Variants in FBXO34 observed in about 807,000 individuals in gnomAD.
FBXO34 encodes the protein F-box only protein 34.
In FBXO34, 12 loss-of-function variants were observed where a neutral mutation model predicts 24.5. That is an observed-to-expected ratio of 0.49 (90% CI 0.31 to 0.79). The LOEUF (loss-of-function observed/expected upper bound fraction) is 0.79, where lower values mean the gene tolerates loss of function less well. FBXO34 is among the 30% of genes least tolerant of loss of function. FBXO34 has a pLI of 0.04. For synonymous variants in FBXO34, 320 were observed against 311.9 expected (o/e 1.03, Z -0.27); for missense variants, 823 against 857.7 (o/e 0.96, Z 0.51).
chr14:55,296,869 C>G (rs987716306), intron 1 of FBXO34, among the ~76,000 whole-genome samples: 2 of 151,356 alleles, frequency 1.3e-5, no homozygotes, highest in Non-Finnish European at 2.9e-5. Context: ...CATTTGTCTT[C>G]TAAAAAAATA....
chr14:55,279,725 G>A (rs1020538271), intron 1 of FBXO34, among the ~76,000 whole-genome samples: 3 of 152,130 alleles, frequency 2.0e-5, no homozygotes, highest in Non-Finnish European at 2.9e-5. Flanking sequence ...AATAGGATTT[G>A]CTAATTAGTT....
chr14:55,298,606 C>T, intron 1 of FBXO34: 1 of 1,099,436 alleles, frequency 9.1e-7, no homozygotes, highest in Non-Finnish European at 1.3e-6. Context: ...GCGCCGGAGC[C>T]CAGCCGGAGC....
At chr14:55,326,153 G>T (rs904285234) in intron 1 of FBXO34, 1 of 152,170 alleles carries the variant, frequency 6.6e-6, no homozygotes, top group Non-Finnish European at 1.5e-5. Context: ...AAAATCCCCC[G>T]AGTTGAGGTT....
chr14:55,351,098 G>C lies in FBXO34; in HGVS notation c.708G>C (p.Val236=). The C allele has an allele frequency of 6.2e-7, 1 of 1,614,202 alleles. No homozygotes were observed. The highest frequency in any genetic ancestry group is 8.5e-7 in the Non-Finnish European group (1 of 1,180,038). Residue 236 remains valine, a synonymous_variant, in exon 2 of 2, where the codon GTG becomes GTC. Transcript: ENST00000313833. Reference sequence around the variant, plus strand: ...ACTGCACAAACTCACCTGCAATTGTGAGGTTTTCTGGCCAATCCAGAGGTG... The same window carrying C: ...ACTGCACAAACTCACCTGCAATTGTCAGGTTTTCTGGCCAATCCAGAGGTG... ...SKNCTNSPAI[V]RFSGQSRGVP...
At chr14:55,364,928 G>A (rs926796192), downstream of FBXO34, among the ~76,000 whole-genome samples, 7 of 151,452 alleles carry the variant, frequency 4.6e-5, no homozygotes, top group African/African-American at 1.5e-4. Context: ...TAGAAATGGG[G>A]TCTCACTGGC....
downstream of FBXO34, among the ~76,000 whole-genome samples, chr14:55,373,214 C>T (rs941114465): frequency 6.6e-6 from 1 of 152,154 alleles, no homozygotes; most frequent in African/African-American, 2.4e-5. Context: ...TAATGGATAT[C>T]TTTTTATTCA....
intron 1 of FBXO34, among the ~76,000 whole-genome samples, chr14:55,329,250 G>T (rs1460750470): frequency 6.6e-6 from 1 of 151,890 alleles, no homozygotes; most frequent in Non-Finnish European, 1.5e-5. Context: ...GAATGAATGT[G>T]TCGTAGACTC....
chr14:55,300,104 A>G (rs1485617241), intron 1 of FBXO34, among the ~76,000 whole-genome samples: 1 of 151,770 alleles, frequency 6.6e-6, no homozygotes, highest in African/African-American at 2.4e-5. Context: ...AATATCTTCA[A>G]GTATCTAGTA....
At chr14:55,348,423 G>A (rs185621849) in intron 1 of FBXO34, among the ~76,000 whole-genome samples, 2 of 152,162 alleles carry the variant, frequency 1.3e-5, no homozygotes, top group Non-Finnish European at 2.9e-5. Flanking sequence ...TTAGAGATGA[G>A]GTCTTGCCGC....
chr14:55,330,731 C>T (rs893174014), intron 1 of FBXO34, among the ~76,000 whole-genome samples: 1 of 152,154 alleles, frequency 6.6e-6, no homozygotes, highest in African/African-American at 2.4e-5. Context: ...TTCGAGGCTG[C>T]AGTGAGCAGT....
At chr14:55,366,425 A>C (rs1884680269), downstream of FBXO34, 1 of 152,662 alleles carries the variant, frequency 6.6e-6, no homozygotes. Context: ...AATACAATAA[A>C]AGTTTAGAAA....
At chr14:55,412,559 T>G in the FBXO34 span, among the ~76,000 whole-genome samples, 78,679 of 151,956 alleles carry the variant, frequency 0.52, 23,406 homozygotes, top group African/African-American at 0.84. Context: ...TTTCTTTTGG[T>G]GGATAGGGGA....
At chr14:55,368,235 T>C (rs1884727713), downstream of FBXO34, 1 of 152,700 alleles carries the variant, frequency 6.5e-6, no homozygotes, top group Non-Finnish European at 1.5e-5. Flanking sequence ...TCTTTTTTTT[T>C]TTGAGACGGA....
At chr14:55,419,772 G>A in the FBXO34 span, among the ~76,000 whole-genome samples, 1 of 152,216 alleles carries the variant, frequency 6.6e-6, no homozygotes, top group East Asian at 1.9e-4. Flanking sequence ...CCACACATCT[G>A]TACTATGGGC....
At chr14:55,288,614 C>T (rs181962085) in intron 1 of FBXO34, among the ~76,000 whole-genome samples, 272 of 152,318 alleles carry the variant, frequency 1.8e-3, no homozygotes, top group Non-Finnish European at 3.2e-3. Flanking sequence ...CTACTTGTAA[C>T]TGTTTAGAAA....
downstream of FBXO34, among the ~76,000 whole-genome samples, chr14:55,362,515 C>CA (rs896963733): frequency 2.6e-5 from 4 of 151,436 alleles, no homozygotes; most frequent in African/African-American, 4.8e-5. Context: ...AAGCAAAGCG[C>CA]AAAAAAACAA....
chr14:55,391,754 G>A, the FBXO34 span, among the ~76,000 whole-genome samples: 1 of 152,130 alleles, frequency 6.6e-6, no homozygotes, highest in African/African-American at 2.4e-5. Context: ...GCATCATCAC[G>A]CAAAGTCCTA....
exon 3 of FBXO34, chr14:55,367,462 G>T (rs1468483522): frequency 6.6e-6 from 1 of 152,230 alleles, no homozygotes; most frequent in African/African-American, 2.4e-5. Flanking sequence ...CCCATAAGGG[G>T]CCGGGCGCGG....
chr14:55,314,859 C>T (rs946589506), intron 1 of FBXO34, among the ~76,000 whole-genome samples: 4 of 152,164 alleles, frequency 2.6e-5, no homozygotes, highest in African/African-American at 9.7e-5. Context: ...AAGTGTCAGT[C>T]TTTCTCCCAC....
Sources: gnomAD v4.1 joint callset for allele counts (sites outside exome capture counted in the v4.1 genomes callset) on GRCh38, gnomAD v4.1.1 for gene constraint, MANE v1.5 for transcripts, NCBI Gene and HGNC (gene_info 2026-07-23, HGNC 2026-07-21) for gene names.